The following LYPD6B variants were observed in gnomAD, a reference collection of about 807,000 sequenced individuals.
The protein encoded by LYPD6B is LY6/PLAUR domain containing 6B, also known as ly6/PLAUR domain-containing protein 6B.
Under a neutral mutation model 22.8 loss-of-function variants are expected in LYPD6B, and 17 were observed. That is an observed-to-expected ratio of 0.75 (90% confidence interval 0.51 to 1.12). The LOEUF is 1.12. Among genes scored for constraint, LYPD6B ranks in the 50% most tolerant of loss-of-function variants. The pLI, the probability that LYPD6B is intolerant of heterozygous loss-of-function variation, is 0.00. For synonymous variants in LYPD6B, 106 were observed against 91.6 expected (o/e 1.16, Z -0.90); for missense variants, 221 against 258.3 (o/e 0.86, Z 0.99).
At chr2:149,173,607 G>T (rs888221652) in intron 3 of LYPD6B, among the ~76,000 whole-genome samples, 3 of 152,044 alleles carry the variant, frequency 2.0e-5, no homozygotes, top group African/African-American at 7.2e-5. Context: ...ATTTCCCTAA[G>T]GATAGAATAT....
At chr2:149,148,163 G>A (rs972015734) in intron 2 of LYPD6B, among the ~76,000 whole-genome samples, 2 of 152,152 alleles carry the variant, frequency 1.3e-5, no homozygotes, top group African/African-American at 4.8e-5. Flanking sequence ...TTGAGCAGCT[G>A]CATGTGAAAA....
chr2:149,163,260 CT>C (rs2105894411), intron 3 of LYPD6B, among the ~76,000 whole-genome samples: 1 of 152,244 alleles, frequency 6.6e-6, no homozygotes, highest in South Asian at 2.1e-4. Flanking sequence ...AGTGGAGTTA[CT>C]CTGAGATGCT....
At chr2:149,080,841 CAAAA>C (rs35803068) in intron 1 of LYPD6B, among the ~76,000 whole-genome samples, 1 of 46,228 alleles carries the variant, frequency 2.2e-5, no homozygotes, top group Non-Finnish European at 3.7e-5. Flanking sequence ...GACTCTATCT[CAAAA>C]AAAAAAAAAA....
intron 3 of LYPD6B, among the ~76,000 whole-genome samples, chr2:149,169,256 A>C (rs1173655600): frequency 1.3e-5 from 2 of 152,096 alleles, no homozygotes; most frequent in African/African-American, 4.8e-5. Context: ...TCTCTTGGAC[A>C]TGTCTCTTCC....
At chr2:149,056,977 A>G (rs762105691) in intron 1 of LYPD6B, among the ~76,000 whole-genome samples, 13 of 152,174 alleles carry the variant, frequency 8.5e-5, no homozygotes, top group Non-Finnish European at 1.9e-4. Context: ...CCATCTATTT[A>G]AAATTTGTCA....
At chr2:149,103,753 C>G (rs1478573528) in intron 1 of LYPD6B, among the ~76,000 whole-genome samples, 2 of 142,588 alleles carry the variant, frequency 1.4e-5, no homozygotes, top group Non-Finnish European at 3.0e-5. Context: ...TTGTGATGTT[C>G]ATACACGTTG....
intron 1 of LYPD6B, among the ~76,000 whole-genome samples, chr2:149,064,760 G>A (rs896944120): frequency 3.9e-5 from 6 of 152,184 alleles, no homozygotes; most frequent in African/African-American, 1.4e-4. Flanking sequence ...GGACCTGGAG[G>A]CTGGTGGGAA....
chr2:149,176,518 T>C (rs1691319292), intron 3 of LYPD6B, among the ~76,000 whole-genome samples: 1 of 152,134 alleles, frequency 6.6e-6, no homozygotes, highest in African/African-American at 2.4e-5. Context: ...AAAACCTCCA[T>C]TGATAAGTTG....
intron 2 of LYPD6B, among the ~76,000 whole-genome samples, chr2:149,143,279 C>G (rs957659843): frequency 2.0e-5 from 3 of 151,924 alleles, no homozygotes; most frequent in African/African-American, 7.2e-5. Flanking sequence ...CTCTAATTCC[C>G]CTTTGTTTTT....
At chr2:149,063,013 CCT>C (rs140051333) in intron 1 of LYPD6B, among the ~76,000 whole-genome samples, 22 of 150,298 alleles carry the variant, frequency 1.5e-4, no homozygotes, top group Admixed American at 3.3e-4. Flanking sequence ...TCCCTTTCTC[CCT>C]CTCTCTCTCT....
chr2:149,061,923 A>G (rs747747412), intron 1 of LYPD6B, among the ~76,000 whole-genome samples: 2 of 152,112 alleles, frequency 1.3e-5, no homozygotes, highest in Non-Finnish European at 2.9e-5. Context: ...TAAGTGTAAG[A>G]TTAAATTGAG....
chr2:149,151,398 A>G (rs1209284007), intron 2 of LYPD6B, among the ~76,000 whole-genome samples: 1 of 152,052 alleles, frequency 6.6e-6, no homozygotes, highest in Non-Finnish European at 1.5e-5. Flanking sequence ...TACTTTATCC[A>G]CTGCTCCATT....
At chr2:149,196,913 G>A (rs1440685379) in intron 3 of LYPD6B, among the ~76,000 whole-genome samples, 1 of 152,140 alleles carries the variant, frequency 6.6e-6, no homozygotes, top group South Asian at 2.1e-4. Context: ...TGAATGCCAC[G>A]TATTAGAGTG....
rs145135850 is a variant in LYPD6B, at chr2:149,148,677, T to C, written c.6-12087T>C. Among the ~76,000 whole-genome samples, 587 of 152,288 alleles carry C rather than the reference T, an allele frequency of 3.9e-3. 2 individuals carry two copies. Among genetic ancestry groups the C allele is most frequent in the African/African-American group, 0.013 (549 of 41,558 alleles). ...CAGTAGAAGTTAGAAATATAGACTT[T>C]AGTGTGAATTTTTCCATTTAAAAAA... is the stretch of plus-strand genomic sequence containing the variant. On this transcript the variant is annotated intron_variant, in intron 2 of 6. Transcript: ENST00000409642.
chr2:149,152,534 C>T (rs454831), intron 2 of LYPD6B, among the ~76,000 whole-genome samples: 98,876 of 152,114 alleles, frequency 0.65, 32,309 homozygotes, highest in South Asian at 0.76. Context: ...AAGTTACAGA[C>T]GTAGGGCATC....
chr2:149,039,642 T>A (rs78034256), intron 1 of LYPD6B, among the ~76,000 whole-genome samples: 5 of 152,274 alleles, frequency 3.3e-5, no homozygotes, highest in Non-Finnish European at 7.3e-5. Flanking sequence ...GGTTATATGA[T>A]GTTCATGGAG....
At chr2:149,087,659 C>G (rs1046161717) in intron 1 of LYPD6B, among the ~76,000 whole-genome samples, 2 of 152,200 alleles carry the variant, frequency 1.3e-5, no homozygotes, top group African/African-American at 2.4e-5. Context: ...TGCCCACCTA[C>G]TAACAGGTAC....
intron 1 of LYPD6B, among the ~76,000 whole-genome samples, chr2:149,041,126 A>G (rs1332582417): frequency 1.3e-5 from 2 of 150,384 alleles, no homozygotes; most frequent in East Asian, 1.9e-4. Flanking sequence ...AAAGAAAATG[A>G]GAAGGGCTGG....
At chr2:149,069,329 T>C (rs935864473) in intron 1 of LYPD6B, among the ~76,000 whole-genome samples, 10 of 152,148 alleles carry the variant, frequency 6.6e-5, no homozygotes, top group South Asian at 4.1e-4. Flanking sequence ...GGACATGCCT[T>C]GTAGTTGTGC....
Sources: gnomAD v4.1 joint callset for allele counts (sites outside exome capture counted in the v4.1 genomes callset) on GRCh38, gnomAD v4.1.1 for gene constraint, MANE v1.5 for transcripts, NCBI Gene and HGNC (gene_info 2026-07-23, HGNC 2026-07-21) for gene names.